Variants in ARB2A observed in about 807,000 individuals in gnomAD.
ARB2A encodes cotranscriptional regulator ARB2A.
the ARB2A span, among the ~76,000 whole-genome samples, chr5:93,893,471 G>A: frequency 6.6e-6 from 1 of 152,124 alleles, no homozygotes; most frequent in African/African-American, 2.4e-5. Context: ...ACTAGTCAAC[G>A]GGTGTCCAGT....
the ARB2A span, among the ~76,000 whole-genome samples, chr5:93,859,945 A>G: frequency 6.6e-6 from 1 of 152,208 alleles, no homozygotes; most frequent in South Asian, 2.1e-4. Flanking sequence ...ATAAGTATAG[A>G]TTCTAGAGCA....
chr5:94,039,866 C>T, the ARB2A span, among the ~76,000 whole-genome samples: 2 of 152,034 alleles, frequency 1.3e-5, no homozygotes, highest in African/African-American at 2.4e-5. Context: ...TACTGAAGAA[C>T]CATCACCCCC....
the ARB2A span, among the ~76,000 whole-genome samples, chr5:93,902,679 A>G: frequency 2.0e-5 from 3 of 152,148 alleles, no homozygotes; most frequent in African/African-American, 7.2e-5. Flanking sequence ...TAAGAGTATC[A>G]GATGTCATTT....
the ARB2A span, among the ~76,000 whole-genome samples, chr5:93,662,009 G>A: frequency 3.3e-5 from 5 of 152,082 alleles, no homozygotes; most frequent in Non-Finnish European, 2.9e-5. Flanking sequence ...ACCATATGTC[G>A]CATGAGAGCT....
At chr5:93,721,816 A>G in the ARB2A span, among the ~76,000 whole-genome samples, 4 of 152,206 alleles carry the variant, frequency 2.6e-5, no homozygotes, top group Non-Finnish European at 5.9e-5. Context: ...ACCACAATAA[A>G]TAGATAATAT....
chr5:94,059,905 C>T, the ARB2A span, among the ~76,000 whole-genome samples: 1 of 151,958 alleles, frequency 6.6e-6, no homozygotes, highest in South Asian at 2.1e-4. Context: ...TGGGTTGAGG[C>T]AAATGATACT....
At chr5:93,993,397 C>A in the ARB2A span, among the ~76,000 whole-genome samples, 1 of 152,018 alleles carries the variant, frequency 6.6e-6, no homozygotes, top group African/African-American at 2.4e-5. Flanking sequence ...CTTGAATCTA[C>A]GAAGTCCACT....
the ARB2A span, among the ~76,000 whole-genome samples, chr5:93,753,859 T>A: frequency 6.6e-6 from 1 of 152,124 alleles, no homozygotes; most frequent in African/African-American, 2.4e-5. Flanking sequence ...GAATCTAGGT[T>A]CAGGTCTTTC....
chr5:93,655,606 G>T, the ARB2A span, among the ~76,000 whole-genome samples: 1 of 152,286 alleles, frequency 6.6e-6, no homozygotes, highest in Non-Finnish European at 1.5e-5. Flanking sequence ...ATACGCAAGG[G>T]AAAGAGCAAG....
At chr5:93,984,823 T>C in the ARB2A span, among the ~76,000 whole-genome samples, 2 of 152,180 alleles carry the variant, frequency 1.3e-5, no homozygotes, top group Non-Finnish European at 2.9e-5. Flanking sequence ...TAATTAGTAG[T>C]GCCTGCAGAC....
chr5:93,619,003 C>T, the ARB2A span: 1 of 152,138 alleles, frequency 6.6e-6, no homozygotes, highest in African/African-American at 2.4e-5. Context: ...TTCCTGTCAA[C>T]ATTTTCTTAT....
chr5:93,898,744 G>T, the ARB2A span, among the ~76,000 whole-genome samples: 1 of 152,032 alleles, frequency 6.6e-6, no homozygotes, highest in African/African-American at 2.4e-5. Context: ...GAAAGCCAGT[G>T]AGAAATTATA....
At chr5:93,808,717 C>T in the ARB2A span, among the ~76,000 whole-genome samples, 2 of 152,046 alleles carry the variant, frequency 1.3e-5, no homozygotes, top group African/African-American at 4.8e-5. Flanking sequence ...GAAGGCAAGT[C>T]AGGTAATTTA....
chr5:94,083,142 C>A, the ARB2A span, among the ~76,000 whole-genome samples: 1 of 152,194 alleles, frequency 6.6e-6, no homozygotes, highest in African/African-American at 2.4e-5. Context: ...AAGTTGCCAA[C>A]ACAAGGACAC....
the ARB2A span, among the ~76,000 whole-genome samples, chr5:93,801,292 C>T: frequency 2.0e-5 from 3 of 152,214 alleles, no homozygotes; most frequent in Admixed American, 6.5e-5. Flanking sequence ...GAACCAATAG[C>T]TCCAACCCCC....
the ARB2A span, among the ~76,000 whole-genome samples, chr5:93,757,602 A>G: frequency 6.6e-6 from 1 of 152,224 alleles, no homozygotes; most frequent in Non-Finnish European, 1.5e-5. Flanking sequence ...AACAATTATC[A>G]GCCAAGAATT....
chr5:93,973,562 A>G, the ARB2A span, among the ~76,000 whole-genome samples: 1 of 152,176 alleles, frequency 6.6e-6, no homozygotes, highest in East Asian at 1.9e-4. Flanking sequence ...CAAGAAATCC[A>G]GAGAACTCCT....
chr5:94,050,312 T>C, the ARB2A span, among the ~76,000 whole-genome samples: 7 of 148,046 alleles, frequency 4.7e-5, no homozygotes, highest in African/African-American at 1.8e-4. Context: ...TGGAGTGCAA[T>C]GGTGCCACCT....
chr5:93,933,286 G>A, the ARB2A span, among the ~76,000 whole-genome samples: 1 of 152,140 alleles, frequency 6.6e-6, no homozygotes, highest in African/African-American at 2.4e-5. Context: ...ATTTTACCCA[G>A]CTATCCCATG....
Sources: allele counts gnomAD v4.1 joint callset (sites outside exome capture counted in the v4.1 genomes callset), GRCh38; gene constraint gnomAD v4.1.1; transcripts MANE v1.5; gene names NCBI Gene and HGNC (gene_info 2026-07-23, HGNC 2026-07-21).